The following FASTKD2 variants were observed in gnomAD, a reference collection of about 807,000 sequenced individuals.
FASTKD2 encodes FAST kinase domain-containing protein 2, mitochondrial.
In FASTKD2, 51 loss-of-function variants were observed where a neutral mutation model predicts 63.6. That is an observed-to-expected ratio of 0.80 (90% CI 0.64 to 1.01). The LOEUF is 1.01. Ranked by LOEUF, FASTKD2 falls within the 50% of genes least tolerant of loss-of-function variation. FASTKD2 has a pLI of 0.00. For missense variants in FASTKD2, 786 were observed against 831.1 expected, an observed-to-expected ratio of 0.95 and a Z score of 0.67; for synonymous variants, 284 against 293.4, an observed-to-expected ratio of 0.97 and a Z score of 0.33.
At chr2:206,785,672 G>A (rs1297031315) in intron 7 of FASTKD2, among the ~76,000 whole-genome samples, 1 of 152,186 alleles carries the variant, frequency 6.6e-6, no homozygotes, top group Non-Finnish European at 1.5e-5. Context: ...TCCAAAAGCA[G>A]TCAGTACTAA....
Position 206,771,285 on chromosome 2 carries a change from C to T in FASTKD2, c.985C>T (p.Leu329=). ...KDAPIALKRK[L]EMKALRELDR... ...TGCACCGATTGCTCTTAAGAGGAAACTGGAGGTAAACACATGAATTTTCTC... is the reference window on the plus strand; with the variant it reads ...TGCACCGATTGCTCTTAAGAGGAAATTGGAGGTAAACACATGAATTTTCTC... The change falls in exon 4 of 12, where the codon CTG becomes TTG. Residue 329 remains leucine, a synonymous_variant. Coordinates refer to ENST00000402774, the MANE Select transcript of FASTKD2 (RefSeq NM_001136193.2). 6.3e-7 allele frequency: 1 copy of T among 1,579,034 alleles called. No individual in the cohort carries two copies. Among genetic ancestry groups the T allele is most frequent in the Non-Finnish European group, 8.7e-7 (1 of 1,148,182 alleles).
rs763480439 is a variant in FASTKD2 at position 206,767,009 on chromosome 2, CTACTT to C, written c.319_323del (p.Leu107CysfsTer2). On this transcript the variant is annotated frameshift_variant, in exon 2 of 12. Transcript: ENST00000402774. LOFTEE classifies it high-confidence loss of function. ...TCTAACAGCCCTTAGAATTGAAAGA[CTACTT>C]TATGCTAAAAGACTGTTTTTTGACT... 2.0e-5 allele frequency: 33 copies of C among 1,613,308 alleles called. No homozygotes were observed. Among genetic ancestry groups the C allele is most frequent in the Non-Finnish European group, 2.7e-5 (32 of 1,179,418 alleles).
rs1689703053 is a variant in FASTKD2, at chr2:206,772,199, C to T, written c.1133C>T (p.Pro378Leu). ...KVVLDNIHGC[P>L]LRIMINILQS... ...CTTCAAGATAATATCCATGGGTGTC[C>T]TTTAAGAATAATGATCAACATATTG... The change falls in exon 6 of 12, where the codon CCT becomes CTT. Residue 378 changes from proline (P) to leucine (L), a missense_variant. Coordinates refer to ENST00000402774, the MANE Select transcript of FASTKD2 (RefSeq NM_001136193.2). 3.1e-6 allele frequency: 5 copies of T among 1,612,836 alleles called. No homozygotes were observed. Among genetic ancestry groups the T allele is most frequent in the Non-Finnish European group, 3.4e-6 (4 of 1,178,978 alleles).
chr2:206,768,592 T>A (rs1269504451), intron 2 of FASTKD2, among the ~76,000 whole-genome samples: 3 of 152,048 alleles, frequency 2.0e-5, no homozygotes, highest in Admixed American at 2.0e-4. Flanking sequence ...CCCAGCTACT[T>A]GGGAGGCTGA....
chr2:206,788,173 A>G lies in FASTKD2; in HGVS notation c.1813+18A>G. ...TCATATTGGTATGGGACATTATATG[A>G]TTTCCTTTCATTTTATTGTATTTAT... On this transcript the variant is annotated intron_variant, in intron 9 of 11. Transcript: ENST00000402774. 6.8e-7 allele frequency: 1 copy of G among 1,480,318 alleles called. No individual in the cohort carries two copies. Among genetic ancestry groups the G allele is most frequent in the Non-Finnish European group, 9.3e-7 (1 of 1,075,022 alleles). 91.7% of individuals were successfully genotyped at this position (1,480,318 alleles called of 1,614,324 possible).
intron 5 of FASTKD2, 21 bp from the exon 6 acceptor site, chr2:206,772,160 T>G (rs201311112): frequency 2.5e-6 from 4 of 1,608,978 alleles, no homozygotes; most frequent in Admixed American, 1.7e-5. Context: ...TTTTGTTTGT[T>G]TATTTAACTC....
At chr2:206,772,063 T>C in intron 5 of FASTKD2, 46 bp downstream of exon 5, 1 of 1,607,578 alleles carries the variant, frequency 6.2e-7, no homozygotes, top group Non-Finnish European at 8.5e-7. Context: ...TGAGCTTCTG[T>C]TTTAGACTAT....
At chr2:206,769,966 T>C (rs1689620703) in intron 2 of FASTKD2, 125 bp from the exon 3 acceptor site, 1 of 717,194 alleles carries the variant, frequency 1.4e-6, no homozygotes, top group Non-Finnish European at 2.6e-6. Flanking sequence ...GTGGACTGAC[T>C]GTAGGAATTG....
intron 7 of FASTKD2, among the ~76,000 whole-genome samples, chr2:206,776,033 C>G (rs1689815799): frequency 6.6e-6 from 1 of 151,656 alleles, no homozygotes; most frequent in Admixed American, 6.6e-5. Flanking sequence ...TGTATGTCTT[C>G]TTTGGAGAAA....
chr2:206,787,040 A>G, intron 8 of FASTKD2, 141 bp downstream of exon 8: 2 of 635,084 alleles, frequency 3.1e-6, no homozygotes, highest in South Asian at 1.8e-5. Flanking sequence ...GAAAGGGCTG[A>G]TAATGGTGAA....
At chr2:206,787,899 TTTC>T (rs749981443) in intron 8 of FASTKD2, 35 bp from the exon 9 acceptor site, 3 of 1,184,102 alleles carry the variant, frequency 2.5e-6, no homozygotes, top group East Asian at 4.7e-5. Context: ...GTTGCATTTA[TTTC>T]TTCTTAATGA....
chr2:206,786,236 T>G (rs1247780309), intron 7 of FASTKD2, among the ~76,000 whole-genome samples: 1 of 152,214 alleles, frequency 6.6e-6, no homozygotes. Context: ...CCATTAGCTG[T>G]GGGTGGTAGG....
Position 206,771,982 on chromosome 2 carries a change from T to A in FASTKD2, c.1079T>A (p.Leu360His). 1 of 1,610,984 alleles carries A rather than the reference T, an allele frequency of 6.2e-7. No individual in the cohort carries two copies. Among genetic ancestry groups the A allele is most frequent in the Non-Finnish European group, 8.5e-7 (1 of 1,177,150 alleles). ...CTAGCTGCCATGAATCACCGATCTC[T>A]TATACTCCTGGATGAATGCAGTAAG... The part of the protein sequence containing the change: ...EVLAAMNHRS[L>H]ILLDECSKVV... Residue 360 changes from leucine (L) to histidine (H), a missense_variant, in exon 5 of 12, where the codon CTT becomes CAT. Transcript: ENST00000402774.
At chr2:206,791,504 G>A (rs1690284425) in intron 11 of FASTKD2, 179 bp from the exon 12 acceptor site, 1 of 605,968 alleles carries the variant, frequency 1.7e-6, no homozygotes, top group South Asian at 2.0e-5. Context: ...CACAGTTAAA[G>A]CTTTCTTAAA....
intron 9 of FASTKD2, among the ~76,000 whole-genome samples, chr2:206,788,412 G>A (rs367961633): frequency 8.6e-4 from 130 of 151,852 alleles, no homozygotes; most frequent in African/African-American, 2.7e-3. Flanking sequence ...TATCATTATT[G>A]GTAGTACTAT....
In FASTKD2 at chr2:206,767,371, C is replaced by T; in HGVS notation, c.678C>T (p.Ile226=). The change falls in exon 2 of 12, where the codon ATC becomes ATT. Residue 226 remains isoleucine (I), a synonymous_variant. Transcript: ENST00000402774. ...AACATATGATGAGAGAAGCCAAGAT[C>T]ATGCAGTATAAGTACCTACTGTTCA... ...LCEHMMREAK[I]MQYKYLLFSL... 1 of 1,613,962 alleles carries T rather than the reference C, an allele frequency of 6.2e-7. No homozygotes were observed. The highest frequency in any genetic ancestry group is 8.5e-7 in the Non-Finnish European group (1 of 1,179,970).
At chr2:206,782,149 C>A (rs1399955272) in intron 7 of FASTKD2, among the ~76,000 whole-genome samples, 2 of 152,158 alleles carry the variant, frequency 1.3e-5, no homozygotes, top group African/African-American at 4.8e-5. Context: ...TAGGGCAGCA[C>A]AGTGAAAAGC....
At position 206,795,726 on chromosome 2, in the gene FASTKD2, A is replaced by G. The variant is rs1690432342; in HGVS notation, c.*3924A>G. ...GGGAAGGCCAAATGAGATAGAGGTA[A>G]TGTTTCTGCCAACAAACAGCCACAG... is the stretch of plus-strand genomic sequence containing the variant. On this transcript the variant is annotated 3_prime_UTR_variant, in exon 12 of 12. Transcript: ENST00000402774. Among the ~76,000 whole-genome samples, 1 of 152,188 alleles carries G rather than the reference A, an allele frequency of 6.6e-6. No homozygotes were observed. Among genetic ancestry groups the G allele is most frequent in the African/African-American group, 2.4e-5 (1 of 41,448 alleles).
chr2:206,770,413 A>G (rs1250346551), intron 3 of FASTKD2, among the ~76,000 whole-genome samples: 1 of 152,184 alleles, frequency 6.6e-6, no homozygotes, highest in Non-Finnish European at 1.5e-5. Context: ...AATAACAAAG[A>G]TGTGAGTAAC....
Sources: allele counts gnomAD v4.1 joint callset (sites outside exome capture counted in the v4.1 genomes callset), GRCh38; gene constraint gnomAD v4.1.1; transcripts MANE v1.5; gene names NCBI Gene and HGNC (gene_info 2026-07-23, HGNC 2026-07-21).